Variants in KPNA3 observed in about 807,000 individuals in gnomAD.
KPNA3 encodes importin subunit alpha-4.
Under a neutral mutation model 73.8 loss-of-function variants are expected in KPNA3, and 13 were observed. The ratio of observed to expected loss-of-function variants is 0.18; its 90% CI spans 0.11 to 0.28. KPNA3 has a LOEUF of 0.28. KPNA3 is among the 10% of genes least tolerant of loss of function. The pLI, the probability that KPNA3 is intolerant of heterozygous loss-of-function variation, is 1.00. For missense variants in KPNA3, 360 were observed against 618.1 expected, an observed-to-expected ratio of 0.58 and a Z score of 4.43; for synonymous variants, 186 against 206.9, an observed-to-expected ratio of 0.90 and a Z score of 0.87.
In KPNA3 at chr13:49,746,982, T is replaced by C; in HGVS notation, c.81A>G (p.Arg27=). 6.2e-7 allele frequency: 1 copy of C among 1,609,046 alleles called. No homozygotes were observed. Among genetic ancestry groups the C allele is most frequent in the Non-Finnish European group, 8.5e-7 (1 of 1,175,912 alleles). Residue 27 remains arginine, a synonymous_variant, in exon 2 of 17, where the codon AGA becomes AGG. Transcript: ENST00000261667. ...GTTCCACTGTCACTTCATTTCTATGTCTTCGCATTGTCTAGAAAAGAAAAA... is the reference window on the plus strand; with the variant it reads ...GTTCCACTGTCACTTCATTTCTATGCCTTCGCATTGTCTAGAAAAGAAAAA... ...NKGRDVETMR[R]HRNEVTVELR... is the part of the protein sequence containing the mutation.
intron 15 of KPNA3, among the ~76,000 whole-genome samples, chr13:49,705,138 C>A (rs1278779459): frequency 1.3e-5 from 2 of 152,074 alleles, no homozygotes; most frequent in African/African-American, 2.4e-5. Flanking sequence ...GCAGGTGGAT[C>A]ACTTGAGGTC....
intron 2 of KPNA3, among the ~76,000 whole-genome samples, chr13:49,739,777 C>A (rs1954556453): frequency 1.3e-5 from 2 of 152,172 alleles, no homozygotes; most frequent in African/African-American, 4.8e-5. Flanking sequence ...GGGAGGTGAG[C>A]TTGTGCCAGA....
At chr13:49,702,007 A>C (rs1954152809) in intron 16 of KPNA3, 109 bp from the exon 17 acceptor site, 2 of 682,116 alleles carry the variant, frequency 2.9e-6, no homozygotes, top group South Asian at 3.7e-5. Context: ...GAATGCTTTA[A>C]CCAACTAAAA....
intron 12 of KPNA3, 22 bp from the exon 13 acceptor site, chr13:49,706,394 G>GT: frequency 2.0e-6 from 3 of 1,530,030 alleles, no homozygotes; most frequent in Non-Finnish European, 2.7e-6. Flanking sequence ...CAAAATATAG[G>GT]GCACCTTTAT....
intron 2 of KPNA3, among the ~76,000 whole-genome samples, chr13:49,737,539 TCTTA>T (rs775739407): frequency 2.5e-4 from 38 of 151,822 alleles, no homozygotes; most frequent in East Asian, 2.3e-3. Flanking sequence ...TTTTGTTTTT[TCTTA>T]CTATTAAGTG....
chr13:49,778,809 T>C (rs1007510933), intron 1 of KPNA3, among the ~76,000 whole-genome samples: 1 of 152,302 alleles, frequency 6.6e-6, no homozygotes, highest in South Asian at 2.1e-4. Flanking sequence ...GGTCTCACTG[T>C]ATTGCCTAGG....
intron 1 of KPNA3, among the ~76,000 whole-genome samples, chr13:49,772,741 T>C (rs1026209588): frequency 6.6e-6 from 1 of 152,208 alleles, no homozygotes; most frequent in Non-Finnish European, 1.5e-5. Context: ...AGGCAGAGGC[T>C]GCAATGAGCT....
intron 2 of KPNA3, among the ~76,000 whole-genome samples, chr13:49,733,986 A>G (rs1230542175): frequency 6.6e-6 from 1 of 152,248 alleles, no homozygotes; most frequent in Non-Finnish European, 1.5e-5. Flanking sequence ...CAAAATTGTT[A>G]GCTCAATAAA....
chr13:49,738,841 T>C (rs1209581484), intron 2 of KPNA3, among the ~76,000 whole-genome samples: 2 of 152,186 alleles, frequency 1.3e-5, no homozygotes, highest in East Asian at 1.9e-4. Flanking sequence ...TTGCCTTATA[T>C]GGCACTGGCT....
chr13:49,719,861 A>C, intron 9 of KPNA3, 42 bp from the exon 10 acceptor site: 1 of 1,281,304 alleles, frequency 7.8e-7, no homozygotes, highest in Non-Finnish European at 1.1e-6. Context: ...TAGTTAATTA[A>C]TATGTCTGTA....
At chr13:49,723,082 ATT>A (rs71078883) in intron 7 of KPNA3, among the ~76,000 whole-genome samples, 19,064 of 147,348 alleles carry the variant, frequency 0.13, 1,251 homozygotes, top group African/African-American at 0.15. Context: ...GCACTACCTC[ATT>A]TTTTTTTTTT....
At chr13:49,718,709 TG>T (rs1954327704) in intron 10 of KPNA3, among the ~76,000 whole-genome samples, 1 of 152,228 alleles carries the variant, frequency 6.6e-6, no homozygotes, top group African/African-American at 2.4e-5. Flanking sequence ...CATATAAACA[TG>T]TTTTACTTCA....
chr13:49,745,053 G>A (rs1188938641), intron 2 of KPNA3, among the ~76,000 whole-genome samples: 1 of 152,018 alleles, frequency 6.6e-6, no homozygotes, highest in Non-Finnish European at 1.5e-5. Context: ...GATATATTTG[G>A]TTATGTGATT....
chr13:49,714,048 C>T (rs1326736748), intron 10 of KPNA3, among the ~76,000 whole-genome samples: 2 of 152,160 alleles, frequency 1.3e-5, no homozygotes, highest in Admixed American at 6.5e-5. Flanking sequence ...AAATGCCACA[C>T]ATCAGAATCT....
chr13:49,792,544 TGCG>T lies in KPNA3; in HGVS notation c.-41_-39del, dbSNP rs377544239. The stretch of plus-strand genomic sequence containing the variant: ...CTCCGGCGGCGGCTACTCCTGCGGC[TGCG>T]GCGGCGGCGGCGGCGAATCTTGGAG... On this transcript the variant is annotated 5_prime_UTR_variant, in exon 1 of 17. Transcript: ENST00000261667. 1,289 of 1,277,830 alleles carry T rather than the reference TGCG, an allele frequency of 1.0e-3. No individual in the cohort carries two copies. Among genetic ancestry groups the T allele is most frequent in the Non-Finnish European group, 1.1e-3 (1,047 of 954,592 alleles). The allele number at this position is 1,277,830 out of a possible 1,614,324, so 79.2% of individuals were successfully genotyped here. A position where few individuals can be genotyped will look rare whatever the true frequency, so the allele number is the denominator to read the frequency against.
At chr13:49,732,190 G>A (rs1335510307) in intron 6 of KPNA3, among the ~76,000 whole-genome samples, 181 bp downstream of exon 6, 8 of 152,108 alleles carry the variant, frequency 5.3e-5, no homozygotes, top group African/African-American at 1.9e-4. Context: ...CTTCAGAAAT[G>A]AAAACGAGAA....
chr13:49,737,625 TCTCA>T (rs1207397438), intron 2 of KPNA3, among the ~76,000 whole-genome samples: 3 of 150,006 alleles, frequency 2.0e-5, no homozygotes, highest in East Asian at 3.9e-4. Context: ...GAGCCAGGGG[TCTCA>T]CTATGTTGCC....
At chr13:49,707,050 C>G (rs1180198110) in intron 12 of KPNA3, among the ~76,000 whole-genome samples, 15 of 152,036 alleles carry the variant, frequency 9.9e-5, no homozygotes, top group Admixed American at 9.8e-4. Context: ...CGCCCAGCCA[C>G]TATACAACTG....
rs1291311244 is a variant in KPNA3 at position 49,774,284 on chromosome 13, A to T, written c.69+18154T>A. On this transcript the variant is annotated intron_variant, in intron 1 of 16. Transcript: ENST00000261667. ...AAATTAATGGATTCTTTAAAAAGAGAAAAAGATTAATTAAAGCCACATGAG... is the reference window on the plus strand; with the variant it reads ...AAATTAATGGATTCTTTAAAAAGAGTAAAAGATTAATTAAAGCCACATGAG... 2.0e-5 allele frequency among the ~76,000 whole-genome samples: 3 copies of T among 152,116 alleles called. No individual in the cohort carries two copies. The East Asian group carries it at 5.8e-4, about 29-fold the overall frequency.
Sources: gnomAD v4.1 joint callset for allele counts (sites outside exome capture counted in the v4.1 genomes callset) on GRCh38, gnomAD v4.1.1 for gene constraint, MANE v1.5 for transcripts, NCBI Gene and HGNC (gene_info 2026-07-23, HGNC 2026-07-21) for gene names.